The following TDRD12 variants were observed in gnomAD, a reference collection of about 807,000 sequenced individuals.
TDRD12 encodes putative ATP-dependent RNA helicase TDRD12.
TDRD12 carries 158 observed loss-of-function variants against 133.5 expected under a neutral mutation model. That is an observed-to-expected ratio of 1.18 (90% CI 1.04 to 1.35). TDRD12 has a LOEUF of 1.35. Among genes scored for constraint, TDRD12 ranks in the 40% most tolerant of loss-of-function variants. The pLI, the probability that TDRD12 is intolerant of heterozygous loss-of-function variation, is 0.00. For missense variants in TDRD12, 1,443 were observed against 1,321.3 expected (o/e 1.09, Z -1.43); for synonymous variants, 460 against 477.9 (o/e 0.96, Z 0.49).
rs149458538 is a variant in TDRD12, at chr19:32,813,021, T to A, written c.3049-663T>A. On this transcript the variant is annotated intron_variant, in intron 24 of 27. Coordinates refer to ENST00000444215, the Ensembl canonical transcript of TDRD12. ...ACCCCCATCTCTAAAAAAAAAAAAT[T>A]AAAAATTAACCAAGTGTGGTGGTGC... Among the ~76,000 whole-genome samples the A allele has an allele frequency of 2.7e-3, 407 of 151,460 alleles. 2 individuals carry two copies. The highest frequency in any genetic ancestry group is 4.6e-3 in the Non-Finnish European group (315 of 67,836).
In TDRD12 at chr19:32,767,092, TTTTATTTATTTATTTATTTATTTA is replaced by T. The variant is rs138456502; in HGVS notation, c.866-5633_866-5610del. ...GCCTTTGTGCAAGTGTTTTCATGCA[TTTTATTTATTTATTTATTTATTTA>T]TTTATTTATTTATTTATTTATTTAT... On this transcript the variant is annotated intron_variant, in intron 8 of 27. Coordinates refer to ENST00000444215, the Ensembl canonical transcript of TDRD12. 2.2e-3 allele frequency among the ~76,000 whole-genome samples: 297 copies of T among 137,530 alleles called. 2 individuals carry two copies. The highest frequency in any genetic ancestry group is 7.8e-3 in the African/African-American group (288 of 37,056). 90.2% of individuals were successfully genotyped at this position (137,530 alleles called of 152,430 possible). A position where few individuals can be genotyped will look rare whatever the true frequency, so the allele number is the denominator to read the frequency against.
At chr19:32,748,801 G>A (rs1377716464) in intron 5 of TDRD12, among the ~76,000 whole-genome samples, 1 of 152,192 alleles carries the variant, frequency 6.6e-6, no homozygotes, top group Admixed American at 6.5e-5. Flanking sequence ...CTGCCTCTTC[G>A]TTTGCATAAA....
At chr19:32,746,718 G>C (rs897670558) in intron 4 of TDRD12, among the ~76,000 whole-genome samples, 15 of 149,452 alleles carry the variant, frequency 1.0e-4, no homozygotes, top group African/African-American at 1.7e-4. Flanking sequence ...GGGGGAGAGA[G>C]ACTGGCTGAT....
chr19:32,768,816 T>C (rs888859455), intron 8 of TDRD12, among the ~76,000 whole-genome samples: 6 of 152,316 alleles, frequency 3.9e-5, no homozygotes, highest in Admixed American at 6.5e-5. Flanking sequence ...TCATTACTTA[T>C]GACACTGCAC....
intron 22 of TDRD12, 83 bp downstream of exon 22, chr19:32,807,731 T>C: frequency 2.0e-6 from 2 of 996,696 alleles, no homozygotes; most frequent in South Asian, 3.3e-5. Context: ...AGGATCTTAG[T>C]AGATGTCATG....
chr19:32,721,502 C>T (rs561346953), intron 1 of TDRD12, among the ~76,000 whole-genome samples: 1 of 152,088 alleles, frequency 6.6e-6, no homozygotes, highest in East Asian at 1.9e-4. Context: ...TCTCCTGCCT[C>T]AGCCTCCCGA....
At chr19:32,756,317 G>A (rs1969990813) in intron 7 of TDRD12, 136 bp downstream of exon 7, 1 of 738,500 alleles carries the variant, frequency 1.4e-6, no homozygotes, top group Non-Finnish European at 2.0e-6. Flanking sequence ...ATCCTGATGA[G>A]GCTGTGACAC....
chr19:32,807,738 C>A, intron 22 of TDRD12, 90 bp downstream of exon 22: 2 of 908,438 alleles, frequency 2.2e-6, no homozygotes, highest in South Asian at 1.8e-5. Context: ...TAGTAGATGT[C>A]ATGGTGCCTT....
At chr19:32,747,683 G>A (rs551975910) in intron 4 of TDRD12, among the ~76,000 whole-genome samples, 2 of 152,222 alleles carry the variant, frequency 1.3e-5, no homozygotes, top group Admixed American at 1.3e-4. Flanking sequence ...GTGAGAGGGC[G>A]CTAGGGTCAG....
chr19:32,823,206 C>T (rs1447125093), downstream of TDRD12, among the ~76,000 whole-genome samples: 3 of 152,192 alleles, frequency 2.0e-5, no homozygotes, highest in Non-Finnish European at 4.4e-5. Flanking sequence ...GGTTTGCTCC[C>T]TGACAGGTTC....
chr19:32,756,256 A>G (rs944831061), intron 7 of TDRD12, 75 bp downstream of exon 7: 10 of 1,255,324 alleles, frequency 8.0e-6, no homozygotes, highest in Non-Finnish European at 1.0e-5. Flanking sequence ...TATAAGTTGT[A>G]CAGACTTTTC....
rs965238585 is a variant in TDRD12 at position 32,728,682 on chromosome 19, G to A, written c.25-3043G>A. On this transcript the variant is annotated intron_variant, in intron 1 of 27. Transcript: ENST00000444215. ...TTTTTTGTGACAGAGTCTCACTCTTGTTGCCCAAGCTGGAGTGCAGTGGCG... is the reference window on the plus strand; with the variant it reads ...TTTTTTGTGACAGAGTCTCACTCTTATTGCCCAAGCTGGAGTGCAGTGGCG... 2.9e-3 allele frequency among the ~76,000 whole-genome samples: 284 copies of A among 97,728 alleles called. 1 individual carries two copies. Among genetic ancestry groups the A allele is most frequent in the African/African-American group, 0.011 (274 of 24,786 alleles). The allele number at this position is 97,728 out of a possible 152,430, so 64.1% of individuals were successfully genotyped here.
intron 3 of TDRD12, among the ~76,000 whole-genome samples, chr19:32,740,420 GCT>G (rs961938539): frequency 8.3e-6 from 1 of 120,804 alleles, no homozygotes; most frequent in Non-Finnish European, 1.7e-5. Context: ...TCTCCTGGGT[GCT>G]CTCTGCATCT....
intron 13 of TDRD12, among the ~76,000 whole-genome samples, chr19:32,791,629 A>G (rs1010629103): frequency 5.3e-5 from 8 of 152,220 alleles, no homozygotes; most frequent in Middle Eastern, 3.4e-3. Flanking sequence ...TCAGGGAAGG[A>G]GTGCTTTGCG....
intron 8 of TDRD12, among the ~76,000 whole-genome samples, chr19:32,771,816 A>G (rs1025424619): frequency 6.6e-6 from 1 of 152,224 alleles, no homozygotes; most frequent in South Asian, 2.1e-4. Flanking sequence ...AAATTACTTT[A>G]AAGAAGGGTT....
At chr19:32,818,469 T>C (rs1967264561) in intron 27 of TDRD12, among the ~76,000 whole-genome samples, 1 of 152,126 alleles carries the variant, frequency 6.6e-6, no homozygotes, top group Non-Finnish European at 1.5e-5. Context: ...GGCTACTGTG[T>C]TGAGAACAGA....
exon 21 of TDRD12, chr19:32,802,963 C>G (rs1195357786): frequency 6.5e-7 from 1 of 1,536,054 alleles, no homozygotes; most frequent in Middle Eastern, 1.7e-4. Context: ...CCAAATCTGT[C>G]TTGCTGCTGA....
chr19:32,814,530 T>C (rs1443519254), intron 25 of TDRD12, among the ~76,000 whole-genome samples: 2 of 152,206 alleles, frequency 1.3e-5, no homozygotes, highest in Non-Finnish European at 2.9e-5. Flanking sequence ...AAAATATGGA[T>C]TACAAATGCA....
chr19:32,806,931 G>T (rs925832776), intron 21 of TDRD12, among the ~76,000 whole-genome samples: 2 of 152,088 alleles, frequency 1.3e-5, no homozygotes, highest in African/African-American at 4.8e-5. Context: ...CAAAGTGCTG[G>T]GATTACAGGC....
Sources: gnomAD v4.1 joint callset for allele counts (sites outside exome capture counted in the v4.1 genomes callset) on GRCh38, gnomAD v4.1.1 for gene constraint, MANE v1.5 for transcripts, NCBI Gene and HGNC (gene_info 2026-07-23, HGNC 2026-07-21) for gene names.